Variants in GALNT3 observed in about 807,000 individuals in gnomAD.
GALNT3 encodes polypeptide N-acetylgalactosaminyltransferase 3.
In GALNT3, 51 loss-of-function variants were observed where a neutral mutation model predicts 69.8. The observed-to-expected ratio is 0.73, with a 90% CI of 0.58 to 0.92. The LOEUF is 0.92. Ranked by LOEUF, GALNT3 falls within the 40% of genes least tolerant of loss-of-function variation. The pLI is 0.00. For synonymous variants in GALNT3, 265 were observed against 248.5 expected, an observed-to-expected ratio of 1.07 and a Z score of -0.63; for missense variants, 711 against 760.0, an observed-to-expected ratio of 0.94 and a Z score of 0.76.
chr2:165,769,493 C>T (rs939981949), intron 2 of GALNT3, among the ~76,000 whole-genome samples: 1 of 150,768 alleles, frequency 6.6e-6, no homozygotes, highest in African/African-American at 2.4e-5. Context: ...ATGGCTCATG[C>T]CTGTACTCCC....
intron 2 of GALNT3, among the ~76,000 whole-genome samples, chr2:165,769,275 A>T (rs1324048905): frequency 6.8e-6 from 1 of 147,010 alleles, no homozygotes; most frequent in Non-Finnish European, 1.5e-5. Context: ...ACGTGGTGCC[A>T]CATGCCTGTA....
At chr2:165,758,622 C>G in intron 6 of GALNT3, 125 bp downstream of exon 6, 1 of 660,474 alleles carries the variant, frequency 1.5e-6, no homozygotes, top group Non-Finnish European at 2.7e-6. Context: ...AAATTTCCAG[C>G]AATTAAGTTT....
chr2:165,785,017 G>A (rs900983416), intron 1 of GALNT3, among the ~76,000 whole-genome samples: 6 of 151,936 alleles, frequency 3.9e-5, no homozygotes, highest in Admixed American at 3.3e-4. Flanking sequence ...TATCTCATTT[G>A]ACTCAGAATT....
At chr2:165,749,543 T>C (rs1688318952) in intron 10 of GALNT3, among the ~76,000 whole-genome samples, 199 bp downstream of exon 10, 1 of 152,172 alleles carries the variant, frequency 6.6e-6, no homozygotes, top group Non-Finnish European at 1.5e-5. Flanking sequence ...CCAAGCAACT[T>C]AATTTTTTGT....
intron 1 of GALNT3, among the ~76,000 whole-genome samples, chr2:165,780,010 C>T (rs1264943358): frequency 3.3e-5 from 5 of 152,158 alleles, no homozygotes; most frequent in African/African-American, 1.2e-4. Flanking sequence ...TATAATGAAC[C>T]TGCCACCCAG....
Position 165,748,868 on chromosome 2 carries a change from G to A in GALNT3, c.1815C>T (p.Cys605=), listed in dbSNP as rs773969412. The A allele has an allele frequency of 6.8e-6, 11 of 1,610,888 alleles. No individual in the cohort carries two copies. The highest frequency in any genetic ancestry group is 7.6e-6 in the Non-Finnish European group (9 of 1,177,848). Residue 605 remains cysteine (C), a synonymous_variant, in exon 11 of 11, where the codon TGC becomes TGT. Coordinates refer to ENST00000392701, the MANE Select transcript of GALNT3 (RefSeq NM_004482.4). ...TTGGATGCTCTCCATTTGCTGAAAG[G>A]CACATTTTTAAGAATGGATTGTATA... ...QLLYNPFLKM[C]LSANGEHPSL...
At chr2:165,783,833 C>A (rs988909246) in intron 1 of GALNT3, among the ~76,000 whole-genome samples, 1 of 152,140 alleles carries the variant, frequency 6.6e-6, no homozygotes, top group Non-Finnish European at 1.5e-5. Flanking sequence ...TAGCTGCCAC[C>A]TCCCCAGATA....
intron 3 of GALNT3, among the ~76,000 whole-genome samples, chr2:165,762,595 CAG>C (rs772648883): frequency 5.9e-5 from 9 of 152,156 alleles, no homozygotes; most frequent in African/African-American, 1.7e-4. Flanking sequence ...GATTCCTACA[CAG>C]AGTCAGCAGA....
chr2:165,754,941 T>C lies in GALNT3; in HGVS notation c.1515A>G (p.Ile505Met). ...EVYVPDLNPV[I>M]SGYIKSVGQP... ...ACAGGAAAATACTCACGTATCCAGA[T>C]ATAACAGGATTAAGGTCTGGCACAT... The change falls in exon 8 of 11, where the codon ATA becomes ATG. Residue 505 changes from isoleucine (I) to methionine (M), a missense_variant. Coordinates refer to ENST00000392701, the MANE Select transcript of GALNT3 (RefSeq NM_004482.4). The C allele has an allele frequency of 6.2e-7, 1 of 1,613,500 alleles. No homozygotes were observed. The highest frequency in any genetic ancestry group is 2.2e-5 in the East Asian group (1 of 44,770).
intron 1 of GALNT3, among the ~76,000 whole-genome samples, chr2:165,774,302 G>A (rs1442044952): frequency 6.6e-6 from 1 of 152,164 alleles, no homozygotes; most frequent in Non-Finnish European, 1.5e-5. Flanking sequence ...TTAGGAATTT[G>A]AGAAGAATTG....
At chr2:165,779,801 CA>C (rs1683064473) in intron 1 of GALNT3, among the ~76,000 whole-genome samples, 1 of 152,202 alleles carries the variant, frequency 6.6e-6, no homozygotes, top group African/African-American at 2.4e-5. Flanking sequence ...TCCTCACTTA[CA>C]TAATTGGCTG....
chr2:165,757,233 A>T lies in GALNT3; in HGVS notation c.1206T>A (p.Gly402=). The T allele has an allele frequency of 6.2e-7, 1 of 1,613,944 alleles. No individual in the cohort carries two copies. ...AGCAAGGCATAATCTCCAACTGCCC[A>T]CCACATTGCCATACCTGATAATTAA... is the stretch of plus-strand genomic sequence containing the variant. ...IEMSFRVWQC[G]GQLEIMPCSV... Residue 402 remains glycine, a synonymous_variant, in exon 7 of 11, where the codon GGT becomes GGA. Coordinates refer to ENST00000392701, the MANE Select transcript of GALNT3 (RefSeq NM_004482.4).
At chr2:165,749,545 AT>A (rs1205966045) in intron 10 of GALNT3, among the ~76,000 whole-genome samples, 196 bp downstream of exon 10, 1 of 152,172 alleles carries the variant, frequency 6.6e-6, no homozygotes, top group African/African-American at 2.4e-5. Flanking sequence ...AAGCAACTTA[AT>A]TTTTTGTTAC....
Position 165,757,146 on chromosome 2 carries a change from C to T in GALNT3, c.1293G>A (p.Val431=). 6.2e-7 allele frequency: 1 copy of T among 1,614,086 alleles called. No homozygotes were observed. The highest frequency in any genetic ancestry group is 8.5e-7 in the Non-Finnish European group (1 of 1,179,962). The change falls in exon 7 of 11, where the codon GTG becomes GTA. Residue 431 remains valine (V), a synonymous_variant. Coordinates refer to ENST00000392701, the MANE Select transcript of GALNT3 (RefSeq NM_004482.4). ...SPHSFPKGTQ[V]IARNQVRLAE... ...CAAGGCGAACTTGGTTTCTAGCAAT[C>T]ACCTGAGTGCCTTTTGGAAAGCTAT...
intron 2 of GALNT3, among the ~76,000 whole-genome samples, chr2:165,767,869 CTTTTT>C (rs34044047): frequency 2.4e-5 from 2 of 82,462 alleles, no homozygotes. Context: ...AAAAACAAAT[CTTTTT>C]TTTTTTTTTT....
intron 9 of GALNT3, among the ~76,000 whole-genome samples, chr2:165,754,075 CT>C (rs1164777096): frequency 2.1e-3 from 297 of 141,352 alleles, no homozygotes; most frequent in Middle Eastern, 3.7e-3. Flanking sequence ...TCTCATTTTC[CT>C]TTTTTTTTTT....
At chr2:165,770,112 C>G (rs1387347301) in intron 2 of GALNT3, 74 bp downstream of exon 2, 1 of 1,554,220 alleles carries the variant, frequency 6.4e-7, no homozygotes, top group South Asian at 1.1e-5. Context: ...AAACAGATAA[C>G]TTCCTTAGCT....
In GALNT3 at chr2:165,770,196, G is replaced by A. The variant is rs775341386; in HGVS notation, c.505C>T (p.Arg169Ter). The A allele has an allele frequency of 6.8e-6, 11 of 1,613,972 alleles. No homozygotes were observed. The highest frequency in any genetic ancestry group is 2.7e-5 in the African/African-American group (2 of 74,898). Residue 169 changes from arginine (R) to a stop codon, truncating the protein, a stop_gained, in exon 2 of 11, where the codon CGA (arginine) becomes TGA (stop). Coordinates refer to ENST00000392701, the MANE Select transcript of GALNT3 (RefSeq NM_004482.4). LOFTEE classifies it high-confidence loss of function. The stretch of plus-strand genomic sequence containing the variant: ...TATTCTTCAACATACTCAGGAGGTC[G>A]AGTGTCTGGTCCAAGATCTCGGTGC... Reference protein sequence around the residue: ...SLHRDLGPDTRPPECIEQKFK... With the variant: ...SLHRDLGPDT
Position 165,770,182 on chromosome 2 carries a change from A to G in GALNT3, c.515+4T>C. 1 of 1,614,122 alleles carries G rather than the reference A, an allele frequency of 6.2e-7. No homozygotes were observed. The highest frequency in any genetic ancestry group is 8.5e-7 in the Non-Finnish European group (1 of 1,180,002). On this transcript the variant is annotated splice_donor_region_variant and intron_variant, in intron 2 of 10. Coordinates refer to ENST00000392701, the MANE Select transcript of GALNT3 (RefSeq NM_004482.4). ...GAATAAACAATAAATATTCTTCAAC[A>G]TACTCAGGAGGTCGAGTGTCTGGTC... is the stretch of plus-strand genomic sequence containing the variant.
Sources: gnomAD v4.1 joint callset for allele counts (sites outside exome capture counted in the v4.1 genomes callset) on GRCh38, gnomAD v4.1.1 for gene constraint, MANE v1.5 for transcripts, NCBI Gene and HGNC (gene_info 2026-07-23, HGNC 2026-07-21) for gene names.